ARPP21: variants seen among roughly 807,000 people sequenced by gnomAD.
ARPP21 encodes the protein cAMP regulated phosphoprotein 21, also known as cAMP-regulated phosphoprotein 21.
A neutral mutation model predicts 113.2 loss-of-function variants in ARPP21; 69 were observed. That is an observed-to-expected ratio of 0.61 (90% CI 0.50 to 0.74). The LOEUF is 0.74. Among genes scored for constraint, ARPP21 ranks in the 30% least tolerant of loss-of-function variants. ARPP21 has a pLI of 0.00. For synonymous variants in ARPP21, 368 were observed against 375.5 expected, an observed-to-expected ratio of 0.98 and a Z score of 0.23; for missense variants, 1,070 against 1,037.4, an observed-to-expected ratio of 1.03 and a Z score of -0.43.
chr3:35,771,003 C>G (rs537725627), intron 19 of ARPP21, among the ~76,000 whole-genome samples: 2 of 152,274 alleles, frequency 1.3e-5, no homozygotes, highest in African/African-American at 4.8e-5. Context: ...GAAGGGTCAT[C>G]CAGTACTCTC....
chr3:35,758,871 T>C (rs1230348067), intron 19 of ARPP21, among the ~76,000 whole-genome samples: 1 of 152,064 alleles, frequency 6.6e-6, no homozygotes, highest in African/African-American at 2.4e-5. Flanking sequence ...TGTGTGTGTG[T>C]GCATGCTTAT....
chr3:35,676,962 T>C (rs2077649326), intron 1 of ARPP21, among the ~76,000 whole-genome samples: 1 of 151,910 alleles, frequency 6.6e-6, no homozygotes, highest in East Asian at 1.9e-4. Flanking sequence ...GTGGTTTTCA[T>C]TTACAGAACC....
chr3:35,685,809 A>C (rs2080380411), intron 5 of ARPP21: 1 of 827,452 alleles, frequency 1.2e-6, no homozygotes, highest in Non-Finnish European at 1.5e-6. Context: ...TCCTGTACCA[A>C]TGTATTTATT....
chr3:35,667,984 GAAGAAGAAGAA>G, intron 1 of ARPP21, among the ~76,000 whole-genome samples: 1 of 145,876 alleles, frequency 6.9e-6, no homozygotes, highest in East Asian at 2.0e-4. Context: ...AGAAGAAGAA[GAAGAAGAAGAA>G]GAAGAAGAAG....
chr3:35,712,006 A>T (rs1240606917), intron 11 of ARPP21, among the ~76,000 whole-genome samples: 2 of 152,196 alleles, frequency 1.3e-5, no homozygotes, highest in Admixed American at 6.5e-5. Flanking sequence ...GGCAGGGATC[A>T]TTGGGGGTGA....
intron 19 of ARPP21, among the ~76,000 whole-genome samples, chr3:35,766,832 T>C (rs1032676255): frequency 9.4e-6 from 1 of 106,580 alleles, no homozygotes; most frequent in Admixed American, 8.6e-5. Context: ...ATTATACATA[T>C]GTGTGTGTGT....
At chr3:35,753,346 A>G (rs2095468186) in intron 19 of ARPP21, among the ~76,000 whole-genome samples, 1 of 152,046 alleles carries the variant, frequency 6.6e-6, no homozygotes, top group Non-Finnish European at 1.5e-5. Context: ...TCAAACACCC[A>G]AGGAATATGT....
intron 19 of ARPP21, chr3:35,744,580 T>A: frequency 1.9e-6 from 1 of 513,010 alleles, no homozygotes; most frequent in East Asian, 5.9e-5. Flanking sequence ...TGGAATGCCG[T>A]TATCCAAAGA....
chr3:35,770,835 C>T (rs1030738772), intron 19 of ARPP21, among the ~76,000 whole-genome samples: 1 of 152,174 alleles, frequency 6.6e-6, no homozygotes, highest in Non-Finnish European at 1.5e-5. Flanking sequence ...TGTTGAGAAT[C>T]ACTGCAGTAA....
At chr3:35,697,742 G>A (rs370232764) in intron 9 of ARPP21, among the ~76,000 whole-genome samples, 7 of 151,498 alleles carry the variant, frequency 4.6e-5, no homozygotes, top group Non-Finnish European at 8.9e-5. Flanking sequence ...GGGAATCCTC[G>A]GTGTTTGGCC....
chr3:35,715,594 T>C (rs1167354960), intron 12 of ARPP21, 118 bp downstream of exon 12: 22 of 758,298 alleles, frequency 2.9e-5, no homozygotes, highest in Non-Finnish European at 4.0e-5. Context: ...TATTAGCAGA[T>C]ACATATATCT....
At chr3:35,690,416 T>C (rs2081911434) in intron 8 of ARPP21, among the ~76,000 whole-genome samples, 1 of 151,480 alleles carries the variant, frequency 6.6e-6, no homozygotes, top group Admixed American at 6.6e-5. Context: ...AGAGACCCTT[T>C]TCATTTTTAT....
intron 19 of ARPP21, among the ~76,000 whole-genome samples, chr3:35,752,617 T>C (rs1047042700): frequency 5.9e-5 from 9 of 152,010 alleles, no homozygotes; most frequent in African/African-American, 2.2e-4. Context: ...AACTTTAATG[T>C]GCATGGAAAC....
chr3:35,675,939 T>C (rs2077381568), intron 1 of ARPP21, among the ~76,000 whole-genome samples: 1 of 151,876 alleles, frequency 6.6e-6, no homozygotes, highest in East Asian at 1.9e-4. Flanking sequence ...TCAGAGGAAA[T>C]TTTGTAAAGC....
intron 1 of ARPP21, among the ~76,000 whole-genome samples, chr3:35,654,117 C>A (rs1463549577): frequency 2.0e-5 from 3 of 151,554 alleles, no homozygotes; most frequent in Non-Finnish European, 4.4e-5. Context: ...CAAACAGATG[C>A]CTAGGAATAA....
At chr3:35,687,698 A>T (rs1159358421) in intron 5 of ARPP21, 41 bp from the exon 6 acceptor site, 13 of 1,572,956 alleles carry the variant, frequency 8.3e-6, no homozygotes, top group Non-Finnish European at 1.0e-5. Flanking sequence ...GACAGAGATG[A>T]TTAAACCTGG....
chr3:35,656,653 TA>T (rs899569561), intron 1 of ARPP21, among the ~76,000 whole-genome samples: 1 of 151,924 alleles, frequency 6.6e-6, no homozygotes, highest in African/African-American at 2.4e-5. Flanking sequence ...TGCTAGGAGA[TA>T]TGACAAAGGG....
chr3:35,716,171 GAT>G (rs2092364763), intron 12 of ARPP21, among the ~76,000 whole-genome samples: 2 of 152,002 alleles, frequency 1.3e-5, no homozygotes, highest in African/African-American at 2.4e-5. Context: ...ATGCCCCATT[GAT>G]TTAATTGCGG....
Position 35,685,627 on chromosome 3 carries a change from C to T in ARPP21, c.261+1812C>T. On this transcript the variant is annotated intron_variant, in intron 5 of 20. Coordinates refer to ENST00000684406, the MANE Select transcript of ARPP21 (RefSeq NM_001385562.1). ...GTATTTGGAAAACTGCCTTCATTTTCCAGTGTGGGAAAAACTCTTGCTACC... is the reference window on the plus strand; with the variant it reads ...GTATTTGGAAAACTGCCTTCATTTTTCAGTGTGGGAAAAACTCTTGCTACC... 3 of 985,206 alleles carry T rather than the reference C, an allele frequency of 3.0e-6. No homozygotes were observed. The South Asian group carries it at 1.4e-4, about 46-fold the overall frequency. 61.0% of individuals were successfully genotyped at this position (985,206 alleles called of 1,614,324 possible).
Sources: allele counts gnomAD v4.1 joint callset (sites outside exome capture counted in the v4.1 genomes callset), GRCh38; gene constraint gnomAD v4.1.1; transcripts MANE v1.5; gene names NCBI Gene and HGNC (gene_info 2026-07-23, HGNC 2026-07-21).